Variants in LZTS1 observed in about 807,000 individuals in gnomAD.
LZTS1 encodes leucine zipper tumor suppressor 1.
In LZTS1, 31 loss-of-function variants were observed where a neutral mutation model predicts 45.8. The ratio of observed to expected loss-of-function variants is 0.68; its 90% CI spans 0.51 to 0.91. The LOEUF (loss-of-function observed/expected upper bound fraction) is 0.91, where lower values mean the gene tolerates loss of function less well. LZTS1 is among the 40% of genes least tolerant of loss of function. The pLI, the probability that LZTS1 is intolerant of heterozygous loss-of-function variation, is 0.00. For synonymous variants in LZTS1, 359 were observed against 357.3 expected (o/e 1.00, Z -0.05); for missense variants, 821 against 788.9 (o/e 1.04, Z -0.49).
chr8:20,281,487 C>T (rs370331378), intron 1 of LZTS1, among the ~76,000 whole-genome samples: 5 of 152,146 alleles, frequency 3.3e-5, no homozygotes, highest in South Asian at 2.1e-4. Context: ...GCAGGAGAAT[C>T]GCTTGCACCT....
chr8:20,270,582 C>T (rs1042030117), intron 1 of LZTS1, among the ~76,000 whole-genome samples: 3 of 152,068 alleles, frequency 2.0e-5, no homozygotes, highest in African/African-American at 7.2e-5. Flanking sequence ...AGCCCTCTGC[C>T]ACCTCTGCCA....
At chr8:20,301,745 A>G (rs985276339) in intron 1 of LZTS1, among the ~76,000 whole-genome samples, 10 of 151,612 alleles carry the variant, frequency 6.6e-5, no homozygotes, top group Non-Finnish European at 1.0e-4. Flanking sequence ...TCCCCAGGGC[A>G]CCCCACGCAG....
At chr8:20,275,162 G>T (rs1240420148) in intron 1 of LZTS1, among the ~76,000 whole-genome samples, 1 of 152,140 alleles carries the variant, frequency 6.6e-6, no homozygotes, top group East Asian at 1.9e-4. Context: ...AGTACTTTGG[G>T]AGACTGAGGC....
intron 1 of LZTS1, among the ~76,000 whole-genome samples, chr8:20,282,916 C>T (rs1800721355): frequency 6.6e-6 from 1 of 152,164 alleles, no homozygotes; most frequent in East Asian, 1.9e-4. Flanking sequence ...GATACTCATA[C>T]ATGTTGGTCC....
At chr8:20,265,676 C>A (rs1420257027) in intron 1 of LZTS1, among the ~76,000 whole-genome samples, 20 of 42,992 alleles carry the variant, frequency 4.7e-4, no homozygotes, top group African/African-American at 7.4e-4. Flanking sequence ...GACTCTGTCT[C>A]AAAAAAAAAA....
intron 1 of LZTS1, among the ~76,000 whole-genome samples, chr8:20,288,610 T>C (rs562700445): frequency 1.1e-3 from 160 of 152,224 alleles, no homozygotes; most frequent in Non-Finnish European, 1.9e-3. Context: ...CCAGTGGCAG[T>C]ACCTGGCTTC....
chr8:20,268,428 C>A (rs899080234), intron 1 of LZTS1, among the ~76,000 whole-genome samples: 3 of 152,000 alleles, frequency 2.0e-5, no homozygotes, highest in Non-Finnish European at 2.9e-5. Context: ...CATACATACT[C>A]TGCCCGATTC....
chr8:20,285,172 G>T (rs547502791), intron 1 of LZTS1, among the ~76,000 whole-genome samples: 1 of 152,310 alleles, frequency 6.6e-6, no homozygotes, highest in East Asian at 1.9e-4. Flanking sequence ...ATTTCTTGTG[G>T]TTCTCACATT....
intron 3 of LZTS1, among the ~76,000 whole-genome samples, chr8:20,251,098 A>AATACATATAT (rs1367635822): frequency 6.0e-4 from 25 of 41,390 alleles, no homozygotes; most frequent in African/African-American, 1.4e-3. Context: ...CCTGAGGGCT[A>AATACATATAT]ATATATATAT....
chr8:20,274,333 A>C (rs1231786209), intron 1 of LZTS1, among the ~76,000 whole-genome samples: 2 of 152,166 alleles, frequency 1.3e-5, no homozygotes, highest in African/African-American at 4.8e-5. Context: ...ACCCTTTCCC[A>C]AATGCAACAC....
intron 1 of LZTS1, among the ~76,000 whole-genome samples, chr8:20,288,628 G>C (rs188603388): frequency 2.6e-4 from 40 of 152,284 alleles, no homozygotes; most frequent in Admixed American, 5.2e-4. Flanking sequence ...TTCAAACCTA[G>C]GTTGCGGTCA....
At chr8:20,251,148 T>TAA (rs71532229) in intron 3 of LZTS1, among the ~76,000 whole-genome samples, 1 of 101,478 alleles carries the variant, frequency 9.9e-6, no homozygotes, top group Non-Finnish European at 2.1e-5. Context: ...TATATATATA[T>TAA]AAAATATAAA....
intron 1 of LZTS1, among the ~76,000 whole-genome samples, chr8:20,302,759 A>G (rs1801103227): frequency 6.6e-6 from 1 of 152,202 alleles, no homozygotes; most frequent in African/African-American, 2.4e-5. Flanking sequence ...GAAACACTTT[A>G]GGAGGCCAGA....
At chr8:20,289,422 G>A (rs1334796997) in intron 1 of LZTS1, 1 of 152,336 alleles carries the variant, frequency 6.6e-6, no homozygotes, top group Admixed American at 6.5e-5. Context: ...CTCCTGCAGA[G>A]TTCTGTCCTG....
In LZTS1 at chr8:20,253,511, G is replaced by A. The variant is rs1372331157; in HGVS notation, c.420C>T (p.Ser140=). ...VLPRSGAILH[S]SPESASHQLH... ...GCTGGTGGCTGGCACTCTCCGGGGA[G>A]GAGTGCAGGATGGCTCCTGACCGTG... Residue 140 remains serine (S), a synonymous_variant, in exon 3 of 4, where the codon TCC becomes TCT. Coordinates refer to ENST00000381569, the MANE Select transcript of LZTS1 (RefSeq NM_021020.5). 6.4e-7 allele frequency: 1 copy of A among 1,569,266 alleles called. No individual in the cohort carries two copies.
At chr8:20,259,707 TCTC>T (rs763347117) in intron 1 of LZTS1, among the ~76,000 whole-genome samples, 18 of 152,242 alleles carry the variant, frequency 1.2e-4, no homozygotes, top group South Asian at 6.2e-4. Context: ...TGCCTGGAAT[TCTC>T]CTCCTTGGGC....
chr8:20,273,677 C>T (rs1585292779), intron 1 of LZTS1, among the ~76,000 whole-genome samples: 2 of 152,296 alleles, frequency 1.3e-5, no homozygotes, highest in South Asian at 4.1e-4. Flanking sequence ...CTCACTATTG[C>T]TTTTCCTCAA....
chr8:20,299,872 A>G (rs6986711), intron 1 of LZTS1, among the ~76,000 whole-genome samples: 72,339 of 152,110 alleles, frequency 0.48, 18,209 homozygotes, highest in Non-Finnish European at 0.55. Context: ...AAGAGCTAAT[A>G]TGTAAATCAC....
intron 1 of LZTS1, among the ~76,000 whole-genome samples, chr8:20,270,060 C>G (rs549755470): frequency 6.6e-6 from 1 of 152,234 alleles, no homozygotes; most frequent in Non-Finnish European, 1.5e-5. Flanking sequence ...TGGGCAAGAC[C>G]AGGCGTCCCA....
Sources: gnomAD v4.1 joint callset for allele counts (sites outside exome capture counted in the v4.1 genomes callset) on GRCh38, gnomAD v4.1.1 for gene constraint, MANE v1.5 for transcripts, NCBI Gene and HGNC (gene_info 2026-07-23, HGNC 2026-07-21) for gene names.